The following DTHD1 variants were observed in gnomAD, a reference collection of about 807,000 sequenced individuals.
DTHD1 encodes death domain-containing protein 1.
A neutral mutation model predicts 74.8 loss-of-function variants in DTHD1; 59 were observed. The observed-to-expected ratio is 0.79, with a 90% CI of 0.64 to 0.98. DTHD1 has a LOEUF of 0.98. Among genes scored for constraint, DTHD1 ranks in the 50% least tolerant of loss-of-function variants. DTHD1 has a pLI of 0.00. For synonymous variants in DTHD1, 365 were observed against 371.1 expected (o/e 0.98, Z 0.19); for missense variants, 1,051 against 1,065.4 (o/e 0.99, Z 0.19).
At chr4:36,289,502 T>A (rs1755926395) in intron 2 of DTHD1, among the ~76,000 whole-genome samples, 1 of 152,138 alleles carries the variant, frequency 6.6e-6, no homozygotes, top group South Asian at 2.1e-4. Flanking sequence ...ATCTGTGGGA[T>A]CTTTAAAAGA....
At chr4:36,309,096 G>T (rs1560800775) in intron 7 of DTHD1, among the ~76,000 whole-genome samples, 3 of 152,280 alleles carry the variant, frequency 2.0e-5, no homozygotes, top group South Asian at 4.1e-4. Flanking sequence ...TCAATGGACA[G>T]TTTTCACCAA....
intron 3 of DTHD1, among the ~76,000 whole-genome samples, chr4:36,292,512 A>G (rs1756141941): frequency 6.6e-6 from 1 of 152,206 alleles, no homozygotes; most frequent in African/African-American, 2.4e-5. Context: ...GTATCTATCA[A>G]ATATGATTGA....
chr4:36,336,879 G>A (rs1759037419), intron 8 of DTHD1, among the ~76,000 whole-genome samples: 1 of 152,152 alleles, frequency 6.6e-6, no homozygotes, highest in African/African-American at 2.4e-5. Context: ...GGAAAACTGT[G>A]GAATAGAACC....
intron 8 of DTHD1, among the ~76,000 whole-genome samples, chr4:36,331,107 G>C (rs1427191992): frequency 6.6e-6 from 1 of 151,952 alleles, no homozygotes; most frequent in African/African-American, 2.4e-5. Context: ...GTCTGTGTAG[G>C]ATTTTTCTGA....
intron 5 of DTHD1, among the ~76,000 whole-genome samples, chr4:36,299,240 GT>G (rs927828424): frequency 3.9e-5 from 6 of 152,104 alleles, no homozygotes; most frequent in Non-Finnish European, 8.8e-5. Context: ...AGTAACTCTG[GT>G]TTGTTTGGGA....
Position 36,284,511 on chromosome 4 carries a change from T to C in DTHD1, c.807T>C (p.Asp269=). The C allele has an allele frequency of 6.5e-7, 1 of 1,536,548 alleles. No homozygotes were observed. The highest frequency in any genetic ancestry group is 8.7e-7 in the Non-Finnish European group (1 of 1,146,552). Residue 269 remains aspartate (D), a synonymous_variant, in exon 2 of 10, where the codon GAT becomes GAC. Transcript: ENST00000639862. ...TGACCACATCCTCAATAATATGTGA[T>C]ATCTCCAAGAAATATATAAATAGTA... The part of the protein sequence containing the change: ...EEMTTSSIIC[D]ISKKYINSTL...
chr4:36,290,251 G>A (rs979193319), intron 2 of DTHD1, 122 bp from the exon 3 acceptor site: 9 of 1,041,848 alleles, frequency 8.6e-6, no homozygotes, highest in Non-Finnish European at 1.2e-5. Flanking sequence ...AGGTCACAGA[G>A]TTGATCAGAA....
In DTHD1 at chr4:36,316,468, ACCATTGAAAT is replaced by A. The variant is rs1377029249; in HGVS notation, c.2323_2332del (p.Pro775CysfsTer7). 1 of 1,548,918 alleles carries A rather than the reference ACCATTGAAAT, an allele frequency of 6.5e-7. No homozygotes were observed. The highest frequency in any genetic ancestry group is 1.2e-5 in the South Asian group (1 of 82,806). On this transcript the variant is annotated frameshift_variant, in exon 8 of 10. Transcript: ENST00000639862. LOFTEE classifies it high-confidence loss of function. ...ATTCTCAGTTGCCAATTTGCAAATTACCATTGAAATTGCCAAAGGTGAGTTATTTTACTTT... is the reference window on the plus strand; with the variant it reads ...ATTCTCAGTTGCCAATTTGCAAATTATGCCAAAGGTGAGTTATTTTACTTT...
chr4:36,336,593 T>C (rs745665073), intron 8 of DTHD1, among the ~76,000 whole-genome samples: 1 of 152,198 alleles, frequency 6.6e-6, no homozygotes, highest in African/African-American at 2.4e-5. Flanking sequence ...TGTGTGATCC[T>C]GACTTCAGCC....
At chr4:36,304,498 T>G (rs1756938632) in intron 5 of DTHD1, among the ~76,000 whole-genome samples, 2 of 152,180 alleles carry the variant, frequency 1.3e-5, no homozygotes, top group African/African-American at 4.8e-5. Flanking sequence ...ATAGGACAGG[T>G]CAACCTGTGA....
intron 4 of DTHD1, 113 bp from the exon 5 acceptor site, chr4:36,294,682 G>A (rs1756279829): frequency 1.0e-6 from 1 of 969,852 alleles, no homozygotes; most frequent in Admixed American, 3.6e-5. Flanking sequence ...ACAATACATA[G>A]AGAAATGTAT....
intron 8 of DTHD1, among the ~76,000 whole-genome samples, chr4:36,325,905 T>C (rs1482329997): frequency 6.6e-6 from 1 of 152,182 alleles, no homozygotes; most frequent in African/African-American, 2.4e-5. Context: ...GCTGCCTTCC[T>C]CACAATTGAC....
At chr4:36,290,811 T>C (rs1433330728) in intron 3 of DTHD1, 108 bp downstream of exon 3, 2 of 887,302 alleles carry the variant, frequency 2.3e-6, no homozygotes, top group South Asian at 1.8e-5. Flanking sequence ...TAGTAATAAA[T>C]GGAAGGACTT....
chr4:36,308,925 T>C (rs1164252649), intron 7 of DTHD1, among the ~76,000 whole-genome samples: 2 of 152,220 alleles, frequency 1.3e-5, no homozygotes, highest in Non-Finnish European at 2.9e-5. Flanking sequence ...TCCTATTCTA[T>C]CTAAAATAAT....
At chr4:36,342,801 C>T (rs1272380246) in intron 9 of DTHD1, among the ~76,000 whole-genome samples, 3 of 150,968 alleles carry the variant, frequency 2.0e-5, no homozygotes, top group South Asian at 2.1e-4. Flanking sequence ...CTCGGCCAGG[C>T]GTGGTGGCTC....
chr4:36,312,222 G>A (rs1379145463), intron 7 of DTHD1, among the ~76,000 whole-genome samples: 2 of 151,406 alleles, frequency 1.3e-5, no homozygotes, highest in Non-Finnish European at 2.9e-5. Flanking sequence ...ATGACACCAT[G>A]GCATCATCCA....
Position 36,308,239 on chromosome 4 carries a change from A to G in DTHD1, c.1841A>G (p.Asn614Ser). The change falls in exon 7 of 10, where the codon AAT (asparagine) becomes AGT (serine). Residue 614 changes from asparagine (N) to serine (S), a missense_variant. Coordinates refer to ENST00000639862, the MANE Select transcript of DTHD1 (RefSeq NM_001170700.3). ...IVLHLSSTMDNSHLVTFVKSL... is the reference protein window; with the variant it reads ...IVLHLSSTMDSSHLVTFVKSL... Reference sequence around the variant, plus strand: ...CTTCACCTCTCTTCCACCATGGACAATAGTCATTTGGTTACTTTTGTGAAA... The same window carrying G: ...CTTCACCTCTCTTCCACCATGGACAGTAGTCATTTGGTTACTTTTGTGAAA... The G allele has an allele frequency of 6.4e-7, 1 of 1,552,318 alleles. No homozygotes were observed. Among genetic ancestry groups the G allele is most frequent in the African/African-American group, 1.4e-5 (1 of 73,154 alleles).
At chr4:36,327,328 A>G (rs1758413701) in intron 8 of DTHD1, among the ~76,000 whole-genome samples, 1 of 152,184 alleles carries the variant, frequency 6.6e-6, no homozygotes, top group Admixed American at 6.5e-5. Context: ...TTAAATAGGC[A>G]CAGGAATAAA....
At chr4:36,310,984 G>T (rs1757369019) in intron 7 of DTHD1, among the ~76,000 whole-genome samples, 1 of 152,154 alleles carries the variant, frequency 6.6e-6, no homozygotes, top group Admixed American at 6.5e-5. Flanking sequence ...CTAAGCAGAA[G>T]GGTCCCACCC....
Sources: gnomAD v4.1 joint callset for allele counts (sites outside exome capture counted in the v4.1 genomes callset) on GRCh38, gnomAD v4.1.1 for gene constraint, MANE v1.5 for transcripts, NCBI Gene and HGNC (gene_info 2026-07-23, HGNC 2026-07-21) for gene names.